PREX1: variants seen among roughly 807,000 people sequenced by gnomAD.
PREX1 encodes phosphatidylinositol-3,4,5-trisphosphate dependent Rac exchange factor 1.
In PREX1, 41 loss-of-function variants were observed where a neutral mutation model predicts 198.3. The ratio of observed to expected loss-of-function variants is 0.21; its 90% CI spans 0.16 to 0.27. The LOEUF (loss-of-function observed/expected upper bound fraction) is 0.27, where lower values mean the gene tolerates loss of function less well. PREX1 is among the 10% of genes least tolerant of loss of function. The pLI is 1.00. For missense variants in PREX1, 1,620 were observed against 2,200.7 expected (o/e 0.74, Z 5.28); for synonymous variants, 843 against 887.2 (o/e 0.95, Z 0.89).
At chr20:48,751,050 G>A (rs1435877899) in intron 1 of PREX1, among the ~76,000 whole-genome samples, 4 of 152,236 alleles carry the variant, frequency 2.6e-5, no homozygotes, top group Non-Finnish European at 4.4e-5. Flanking sequence ...TCACAGCTAC[G>A]TCTTCAGGGC....
Position 48,649,407 on chromosome 20 carries a change from G to A in PREX1, c.3198C>T (p.Phe1066=), listed in dbSNP as rs2089475210. The A allele has an allele frequency of 2.5e-6, 4 of 1,614,170 alleles. No individual in the cohort carries two copies. Among genetic ancestry groups the A allele is most frequent in the Non-Finnish European group, 3.4e-6 (4 of 1,180,014 alleles). Residue 1066 remains phenylalanine (F), a synonymous_variant, in exon 25 of 40, where the codon TTC becomes TTT. Coordinates refer to ENST00000371941, the MANE Select transcript of PREX1 (RefSeq NM_020820.4). ...TLGQEDRGLS[F]LLKQEDREIQ... ...TCTCACGGTCCTCCTGCTTGAGTAG[G>A]AAGCTGAGGCCCCGGTCTTCCTGAC...
At position 48,741,082 on chromosome 20, in the gene PREX1, C is replaced by T. The variant is rs533078686; in HGVS notation, c.414+3943G>A. 2.6e-5 allele frequency among the ~76,000 whole-genome samples: 4 copies of T among 152,102 alleles called. No homozygotes were observed. In the South Asian group the frequency reaches 8.3e-4, roughly 32 times the overall value. Reference sequence around the variant, plus strand: ...GGTGTGCAGTGGCACAATCTCGACTCACTGCAACCTCTGCCTCCCGGGTTC... The same window carrying T: ...GGTGTGCAGTGGCACAATCTCGACTTACTGCAACCTCTGCCTCCCGGGTTC... On this transcript the variant is annotated intron_variant, in intron 3 of 39. Coordinates refer to ENST00000371941, the MANE Select transcript of PREX1 (RefSeq NM_020820.4).
chr20:48,803,115 G>C (rs1337696101), intron 1 of PREX1, among the ~76,000 whole-genome samples: 2 of 152,204 alleles, frequency 1.3e-5, no homozygotes, highest in African/African-American at 4.8e-5. Flanking sequence ...TCAGATTTGC[G>C]ATATCCTGGT....
At chr20:48,855,757 T>C in the PREX1 span, among the ~76,000 whole-genome samples, 2 of 151,966 alleles carry the variant, frequency 1.3e-5, no homozygotes, top group Admixed American at 6.6e-5. Flanking sequence ...AATTAGCCGG[T>C]TGTGGTGGCA....
intron 29 of PREX1, among the ~76,000 whole-genome samples, chr20:48,641,305 T>C (rs1377962194): frequency 6.6e-6 from 1 of 152,232 alleles, no homozygotes. Flanking sequence ...GGTATAATGA[T>C]ATTTCGTTGC....
chr20:48,700,794 G>A lies in PREX1; in HGVS notation c.876C>T (p.Phe292=), dbSNP rs1365113862. Residue 292 remains phenylalanine, a synonymous_variant, in exon 7 of 40, where the codon TTC becomes TTT. Coordinates refer to ENST00000371941, the MANE Select transcript of PREX1 (RefSeq NM_020820.4). ...SAGNIQERAF[F]LFDNLLVYCK... ...AGTAGACGAGAAGGTTGTCGAAGAGGAAGAAGGCCCTTTCCTGGATGTTGC... is the reference window on the plus strand; with the variant it reads ...AGTAGACGAGAAGGTTGTCGAAGAGAAAGAAGGCCCTTTCCTGGATGTTGC... 2.5e-6 allele frequency: 4 copies of A among 1,613,916 alleles called. No homozygotes were observed. Among genetic ancestry groups the A allele is most frequent in the South Asian group, 2.2e-5 (2 of 91,070 alleles).
At chr20:48,883,270 G>A in the PREX1 span, among the ~76,000 whole-genome samples, 2 of 151,838 alleles carry the variant, frequency 1.3e-5, no homozygotes, top group African/African-American at 4.8e-5. Context: ...AAATAGAAAG[G>A]GCATTGTAAA....
At chr20:48,656,521 G>C (rs2089544709) in intron 18 of PREX1, 1 of 456,768 alleles carries the variant, frequency 2.2e-6, no homozygotes, top group Non-Finnish European at 4.4e-6. Context: ...CAATGCGCCA[G>C]ACACGGTCCC....
At chr20:48,880,663 A>G in the PREX1 span, among the ~76,000 whole-genome samples, 1 of 152,118 alleles carries the variant, frequency 6.6e-6, no homozygotes, top group Admixed American at 6.6e-5. Flanking sequence ...AATTGGCCAG[A>G]ATGTAGTCCT....
At chr20:48,639,715 C>T (rs772047947) in intron 30 of PREX1, 51 bp downstream of exon 30, 1 of 1,599,280 alleles carries the variant, frequency 6.3e-7, no homozygotes, top group Non-Finnish European at 8.5e-7. Flanking sequence ...GGTTCCACAC[C>T]AAAAGCCATG....
the PREX1 span, among the ~76,000 whole-genome samples, chr20:48,841,664 C>T: frequency 6.6e-6 from 1 of 152,168 alleles, no homozygotes; most frequent in Non-Finnish European, 1.5e-5. Flanking sequence ...GAGGTGGTCT[C>T]AATGAACAAC....
chr20:48,791,979 A>G (rs1311611087), intron 1 of PREX1, among the ~76,000 whole-genome samples: 1 of 152,132 alleles, frequency 6.6e-6, no homozygotes, highest in Admixed American at 6.5e-5. Context: ...CTTGCTTGAC[A>G]TGGGACATGT....
intron 8 of PREX1, 130 bp downstream of exon 8, chr20:48,692,542 C>CT: frequency 1.4e-6 from 1 of 705,880 alleles, no homozygotes; most frequent in South Asian, 1.9e-5. Context: ...CATCTATGCT[C>CT]TGGGCACTTT....
chr20:48,627,195 A>T (rs1413095253), intron 39 of PREX1, among the ~76,000 whole-genome samples: 1 of 90,394 alleles, frequency 1.1e-5, no homozygotes, highest in East Asian at 3.1e-4. Flanking sequence ...TCAGGGACTC[A>T]GGGTAGGGGG....
chr20:48,702,604 G>C (rs4810864), intron 6 of PREX1, among the ~76,000 whole-genome samples: 86,413 of 152,182 alleles, frequency 0.57, 26,378 homozygotes, highest in African/African-American at 0.8. Context: ...CCTCTTTCCA[G>C]AGGCTGGGGT....
intron 21 of PREX1, 148 bp from the exon 22 acceptor site, chr20:48,651,731 G>A: frequency 1.3e-6 from 1 of 744,956 alleles, no homozygotes; most frequent in Non-Finnish European, 2.1e-6. Flanking sequence ...AGAGTAGAGA[G>A]GCGAGTGGGG....
chr20:48,708,203 C>T (rs1401497709), intron 6 of PREX1, 57 bp downstream of exon 6: 4 of 1,585,518 alleles, frequency 2.5e-6, no homozygotes, highest in Non-Finnish European at 3.4e-6. Flanking sequence ...CATGACTGCA[C>T]CTGTGCACCT....
intron 10 of PREX1, among the ~76,000 whole-genome samples, 178 bp from the exon 11 acceptor site, chr20:48,681,513 C>T (rs1223541025): frequency 2.0e-5 from 3 of 152,078 alleles, no homozygotes; most frequent in Non-Finnish European, 4.4e-5. Flanking sequence ...ATGCTTATTA[C>T]CAATAGCAGA....
At chr20:48,731,629 T>C (rs982963709) in intron 4 of PREX1, among the ~76,000 whole-genome samples, 1 of 152,198 alleles carries the variant, frequency 6.6e-6, no homozygotes, top group Non-Finnish European at 1.5e-5. Flanking sequence ...CAGCACAACA[T>C]GGATGGAAAG....
Sources: gnomAD v4.1 joint callset for allele counts (sites outside exome capture counted in the v4.1 genomes callset) on GRCh38, gnomAD v4.1.1 for gene constraint, MANE v1.5 for transcripts, NCBI Gene and HGNC (gene_info 2026-07-23, HGNC 2026-07-21) for gene names.